The following KCNG2 variants were observed in gnomAD, a reference collection of about 807,000 sequenced individuals.
The protein encoded by KCNG2 is voltage-gated potassium channel regulatory subunit KCNG2.
Under a neutral mutation model 12.3 loss-of-function variants are expected in KCNG2, and 7 were observed. The ratio of observed to expected loss-of-function variants is 0.57; its 90% confidence interval spans 0.32 to 1.07. KCNG2 has a LOEUF of 1.07. KCNG2 is among the 50% of genes least tolerant of loss of function. The pLI is 0.04. For missense variants in KCNG2, 703 were observed against 726.0 expected, an observed-to-expected ratio of 0.97 and a Z score of 0.36; for synonymous variants, 414 against 351.4, an observed-to-expected ratio of 1.18 and a Z score of -1.99.
chr18:79,829,324 G>A (rs1008581632), intron 1 of KCNG2, among the ~76,000 whole-genome samples: 1 of 151,982 alleles, frequency 6.6e-6, no homozygotes, highest in Non-Finnish European at 1.5e-5. Flanking sequence ...GTGTACATGT[G>A]TCTGTGTGTG....
At chr18:79,826,652 C>T (rs1474344293) in intron 1 of KCNG2, among the ~76,000 whole-genome samples, 1 of 142,172 alleles carries the variant, frequency 7.0e-6, no homozygotes, top group Non-Finnish European at 1.5e-5. Flanking sequence ...CGGCGCGTTA[C>T]GTCATTACAT....
intron 1 of KCNG2, among the ~76,000 whole-genome samples, chr18:79,827,209 G>C (rs2123015829): frequency 6.6e-6 from 1 of 152,370 alleles, no homozygotes; most frequent in East Asian, 1.9e-4. Flanking sequence ...GCTCGGGCCA[G>C]ACCAGCGACA....
rs1981085799 is a variant in KCNG2, at chr18:79,899,040, G to A, written c.625G>A (p.Gly209Ser). ...MPDIRAEEER[G>S]ECSPKCRSLF... The stretch of plus-strand genomic sequence containing the variant: ...AACCCCGTGTCCCCTCTCCCCGCAG[G>A]GCGAGTGCTCCCCCAAGTGCCGCAG... The change falls in exon 4 of 4, where the codon GGC becomes AGC. Residue 209 changes from glycine to serine, a missense_variant and splice_region_variant. By Grantham distance (56) the Gly-to-Ser change is moderately conservative. Transcript: ENST00000316249. The A allele has an allele frequency of 1.9e-6, 3 of 1,553,668 alleles. No homozygotes were observed. In the South Asian group the frequency reaches 3.6e-5, roughly 19 times the overall value.
chr18:79,866,884 G>GT (rs1764526182), intron 3 of KCNG2, among the ~76,000 whole-genome samples: 1 of 148,018 alleles, frequency 6.8e-6, no homozygotes. Context: ...TGTGCTGAGA[G>GT]GTCCGTGTGC....
At chr18:79,858,365 A>C (rs900155553) in intron 2 of KCNG2, among the ~76,000 whole-genome samples, 2 of 152,200 alleles carry the variant, frequency 1.3e-5, no homozygotes, top group African/African-American at 2.4e-5. Flanking sequence ...TCTTTCTCTT[A>C]GCATAGGTTT....
chr18:79,836,169 A>G (rs1978323293), intron 1 of KCNG2, among the ~76,000 whole-genome samples: 1 of 152,254 alleles, frequency 6.6e-6, no homozygotes, highest in Non-Finnish European at 1.5e-5. Flanking sequence ...CAGGTTGAAA[A>G]TAAAAGGAGA....
intron 3 of KCNG2, among the ~76,000 whole-genome samples, chr18:79,889,036 T>G (rs1980654445): frequency 6.6e-6 from 1 of 152,356 alleles, no homozygotes; most frequent in South Asian, 2.1e-4. Context: ...AAGAGTTTCT[T>G]ATCTATCCTG....
intron 3 of KCNG2, among the ~76,000 whole-genome samples, chr18:79,868,002 C>T (rs879778607): frequency 2.0e-5 from 3 of 152,202 alleles, no homozygotes; most frequent in Admixed American, 6.5e-5. Flanking sequence ...GGGTGTCTGG[C>T]GGCCAGGCTG....
intron 3 of KCNG2, among the ~76,000 whole-genome samples, chr18:79,880,313 T>A: frequency 1.2e-5 from 1 of 85,342 alleles, no homozygotes; most frequent in Non-Finnish European, 2.6e-5. Flanking sequence ...TGAGACTCTG[T>A]CTCAAAAAAA....
intron 1 of KCNG2, among the ~76,000 whole-genome samples, chr18:79,841,562 A>C (rs1978460445): frequency 6.6e-6 from 1 of 152,226 alleles, no homozygotes; most frequent in Non-Finnish European, 1.5e-5. Flanking sequence ...TCAACAGCAA[A>C]ATAACAATCC....
chr18:79,813,723 G>A (rs759896499), intron 1 of KCNG2, among the ~76,000 whole-genome samples: 6 of 152,162 alleles, frequency 3.9e-5, no homozygotes, highest in Non-Finnish European at 8.8e-5. Context: ...GACAACAAAG[G>A]TATAACCCAT....
chr18:79,868,134 TAGG>T lies in KCNG2; in HGVS notation c.624+3846_624+3848del, dbSNP rs764443900. ...AATTCATTTGTGTCACGTTAGAGAA[TAGG>T]AGAAGTTTGGGCTGCCCCAGCTACA... On this transcript the variant is annotated intron_variant, in intron 3 of 3. Transcript: ENST00000316249. Among the ~76,000 whole-genome samples, 12 of 152,262 alleles carry T rather than the reference TAGG, an allele frequency of 7.9e-5. No homozygotes were observed. The East Asian group carries it at 1.4e-3, about 17-fold the overall frequency.
At position 79,856,450 on chromosome 18, in the gene KCNG2, C is replaced by A. The variant is rs1057506564; in HGVS notation, c.-43C>A. 6.6e-6 allele frequency among the ~76,000 whole-genome samples: 1 copy of A among 152,184 alleles called. No homozygotes were observed. The highest frequency in any genetic ancestry group is 1.5e-5 in the Non-Finnish European group (1 of 68,034). ...AGAATACCCTGTACCTTCACAGAGC[C>A]AGGTAAACCCAGAACCTGCCAGAAG... On this transcript the variant is annotated splice_region_variant and 5_prime_UTR_variant, in exon 2 of 4. Coordinates refer to ENST00000316249, the MANE Select transcript of KCNG2 (RefSeq NM_012283.2).
chr18:79,822,226 C>A lies in KCNG2; in HGVS notation c.-115+24212C>A, dbSNP rs183799507. 6.6e-6 allele frequency among the ~76,000 whole-genome samples: 1 copy of A among 152,044 alleles called. No homozygotes were observed. Among genetic ancestry groups the A allele is most frequent in the Non-Finnish European group, 1.5e-5 (1 of 68,018 alleles). ...TCATAGAGGTTCCCATGTCTCCCAC[C>A]CAGCTTCCTCCAGTGTTGGCAGAAT... On this transcript the variant is annotated intron_variant, in intron 1 of 3. Transcript: ENST00000316249. This position sits in a 1 kb window ranked among gnomAD's most constrained non-coding sequence, Gnocchi z 4.4.
intron 1 of KCNG2, among the ~76,000 whole-genome samples, chr18:79,848,106 G>T (rs1358894870): frequency 6.6e-6 from 1 of 152,164 alleles, no homozygotes; most frequent in Non-Finnish European, 1.5e-5. Context: ...CCCGGTGAAG[G>T]CAGAATGTCT....
intron 3 of KCNG2, among the ~76,000 whole-genome samples, chr18:79,865,420 G>C (rs1330721877): frequency 7.5e-6 from 1 of 132,516 alleles, no homozygotes; most frequent in African/African-American, 3.4e-5. Flanking sequence ...GGTGCTGAAA[G>C]GTCTGGGTGC....
chr18:79,858,328 A>C (rs775965407), intron 2 of KCNG2, among the ~76,000 whole-genome samples: 2 of 152,220 alleles, frequency 1.3e-5, no homozygotes, highest in African/African-American at 2.4e-5. Flanking sequence ...ACGGATTCCC[A>C]GTATATGTGA....
intron 3 of KCNG2, among the ~76,000 whole-genome samples, chr18:79,882,935 T>A (rs1056176330): frequency 6.6e-6 from 1 of 152,190 alleles, no homozygotes; most frequent in Non-Finnish European, 1.5e-5. Flanking sequence ...ACACCTGCGC[T>A]CATCGCACAC....
Position 79,828,940 on chromosome 18 carries a change from A to G in KCNG2, c.-114-27439A>G, listed in dbSNP as rs1270453525. On this transcript the variant is annotated intron_variant, in intron 1 of 3. Transcript: ENST00000316249. ...TGTGTGTCTATGTGTGCGTGTGTGT[A>G]ACGTGTCTGTGTGTGCATGTGTCTG... 6.5e-5 allele frequency among the ~76,000 whole-genome samples: 6 copies of G among 92,570 alleles called. 1 individual carries two copies. The highest frequency in any genetic ancestry group is 1.3e-4 in the Non-Finnish European group (6 of 46,788). 60.7% of individuals were successfully genotyped at this position (92,570 alleles called of 152,430 possible). A position where few individuals can be genotyped will look rare whatever the true frequency, so the allele number is the denominator to read the frequency against.
Sources: allele counts gnomAD v4.1 joint callset (sites outside exome capture counted in the v4.1 genomes callset), GRCh38; gene constraint gnomAD v4.1.1; non-coding constraint Gnocchi (gnomAD v3.1); transcripts MANE v1.5; gene names NCBI Gene and HGNC (gene_info 2026-07-23, HGNC 2026-07-21).